The following NEGR1 variants were observed in gnomAD, a reference collection of about 807,000 sequenced individuals.
NEGR1 encodes neuronal growth regulator 1.
A neutral mutation model predicts 40.9 loss-of-function variants in NEGR1; 10 were observed. That is an observed-to-expected ratio of 0.24 (90% CI 0.15 to 0.42). NEGR1 has a LOEUF of 0.42. NEGR1 is among the 10% of genes least tolerant of loss of function. NEGR1 has a pLI of 1.00. For missense variants in NEGR1, 352 were observed against 438.9 expected (o/e 0.80, Z 1.77); for synonymous variants, 185 against 166.8 (o/e 1.11, Z -0.84).
chr1:71,875,422 G>A lies in NEGR1; in HGVS notation c.409+59657C>T, dbSNP rs1474689846. On this transcript the variant is annotated intron_variant, in intron 2 of 6. Transcript: ENST00000357731. ...CTTCTCTCTGTAAAAGCAGATATCT[G>A]GTCATTCTGAGTCTTTGGAATTTAG... 6.6e-5 allele frequency among the ~76,000 whole-genome samples: 10 copies of A among 152,214 alleles called. No homozygotes were observed. The South Asian group carries it at 1.0e-3, about 16-fold the overall frequency.
At chr1:72,137,490 C>G (rs1650512143) in intron 1 of NEGR1, among the ~76,000 whole-genome samples, 1 of 142,854 alleles carries the variant, frequency 7.0e-6, no homozygotes, top group Non-Finnish European at 1.5e-5. Context: ...CAAAGTAACA[C>G]AAGAAGAGAA....
rs527669316 is a variant in NEGR1 at position 71,972,996 on chromosome 1, G to A, written c.177-37685C>T. On this transcript the variant is annotated intron_variant, in intron 1 of 6. Coordinates refer to ENST00000357731, the MANE Select transcript of NEGR1 (RefSeq NM_173808.3). ...CGCAGAGGTAAGTGAACATATAAATGCATATTGAAAAATTCAGAAATACCG... is the reference window on the plus strand; with the variant it reads ...CGCAGAGGTAAGTGAACATATAAATACATATTGAAAAATTCAGAAATACCG... Among the ~76,000 whole-genome samples, 7 of 152,208 alleles carry A rather than the reference G, an allele frequency of 4.6e-5. No individual in the cohort carries two copies. The South Asian group carries it at 1.5e-3, about 32-fold the overall frequency.
At chr1:72,197,924 T>A (rs1350269175) in intron 1 of NEGR1, among the ~76,000 whole-genome samples, 1 of 152,086 alleles carries the variant, frequency 6.6e-6, no homozygotes, top group African/African-American at 2.4e-5. Flanking sequence ...TAATTCAGTA[T>A]TTTCCTTTGC....
chr1:71,992,423 C>T (rs1646462022), intron 1 of NEGR1, among the ~76,000 whole-genome samples: 1 of 151,554 alleles, frequency 6.6e-6, no homozygotes, highest in African/African-American at 2.4e-5. Context: ...ATGGCACTAC[C>T]CAGTTGAAAT....
chr1:72,174,706 G>T (rs1197379648), intron 1 of NEGR1, among the ~76,000 whole-genome samples: 1 of 151,990 alleles, frequency 6.6e-6, no homozygotes, highest in Non-Finnish European at 1.5e-5. Context: ...TTATAAGCTT[G>T]CATCCTAATG....
intron 1 of NEGR1, among the ~76,000 whole-genome samples, chr1:72,154,140 G>A (rs1651268535): frequency 6.6e-6 from 1 of 151,726 alleles, no homozygotes; most frequent in Non-Finnish European, 1.5e-5. Flanking sequence ...GAATTTGGTT[G>A]TGTTTACTTT....
chr1:71,876,414 C>G (rs1007440495), intron 2 of NEGR1, among the ~76,000 whole-genome samples: 1 of 151,834 alleles, frequency 6.6e-6, no homozygotes, highest in Non-Finnish European at 1.5e-5. Context: ...AATCTAGGGG[C>G]TCAGTCAGGA....
At chr1:71,968,357 T>A (rs1454806013) in intron 1 of NEGR1, among the ~76,000 whole-genome samples, 1 of 152,212 alleles carries the variant, frequency 6.6e-6, no homozygotes, top group Admixed American at 6.5e-5. Flanking sequence ...CTTTGGGATA[T>A]CAGATTTGTT....
intron 1 of NEGR1, among the ~76,000 whole-genome samples, chr1:72,156,967 CT>C (rs1347521329): frequency 7.3e-6 from 1 of 136,196 alleles, no homozygotes; most frequent in African/African-American, 2.7e-5. Flanking sequence ...TTGTTGTTGT[CT>C]GTTTGTGTGT....
intron 3 of NEGR1, among the ~76,000 whole-genome samples, chr1:71,711,301 G>A (rs1226992988): frequency 1.8e-4 from 22 of 122,440 alleles, no homozygotes; most frequent in South Asian, 2.7e-4. Flanking sequence ...GTGGAGATGC[G>A]CCACTGCACT....
intron 6 of NEGR1, among the ~76,000 whole-genome samples, chr1:71,427,170 C>A (rs78403032): frequency 6.6e-6 from 1 of 152,124 alleles, no homozygotes; most frequent in Non-Finnish European, 1.5e-5. Flanking sequence ...GATATTTCTC[C>A]GAGCCAAAAT....
intron 1 of NEGR1, among the ~76,000 whole-genome samples, chr1:72,057,760 T>C (rs371885367): frequency 1.2e-4 from 18 of 151,534 alleles, no homozygotes; most frequent in African/African-American, 3.9e-4. Context: ...GGTTGGTGTC[T>C]GGTAAGGCCT....
chr1:71,684,047 G>C (rs2101613587), intron 4 of NEGR1, among the ~76,000 whole-genome samples: 1 of 152,250 alleles, frequency 6.6e-6, no homozygotes. Context: ...CAGGCGGGCA[G>C]ATCACGAGGT....
chr1:71,559,019 G>GTGTGTATATATATATATATA (rs377263417), intron 6 of NEGR1, among the ~76,000 whole-genome samples: 30 of 114,030 alleles, frequency 2.6e-4, no homozygotes, highest in Non-Finnish European at 4.7e-4. Flanking sequence ...CTGTGTGTGT[G>GTGTGTATATATATATATATA]TATATATATA....
intron 3 of NEGR1, among the ~76,000 whole-genome samples, chr1:71,734,388 C>A (rs547372963): frequency 1.3e-5 from 2 of 152,260 alleles, no homozygotes; most frequent in Admixed American, 1.3e-4. Flanking sequence ...AGAATACTTA[C>A]ATTGACAGAA....
intron 6 of NEGR1, among the ~76,000 whole-genome samples, chr1:71,421,930 T>TA (rs1030432312): frequency 2.7e-5 from 4 of 149,454 alleles, no homozygotes; most frequent in African/African-American, 9.8e-5. Flanking sequence ...TTTTTTTTTT[T>TA]AAGACAAAGG....
At chr1:72,103,822 GAA>G (rs1649032725) in intron 1 of NEGR1, among the ~76,000 whole-genome samples, 2 of 152,024 alleles carry the variant, frequency 1.3e-5, no homozygotes, top group South Asian at 4.1e-4. Flanking sequence ...AAAGAAGTAG[GAA>G]AACTCTTAGG....
chr1:71,620,356 C>A (rs1414268898), intron 4 of NEGR1, among the ~76,000 whole-genome samples: 1 of 151,986 alleles, frequency 6.6e-6, no homozygotes, highest in African/African-American at 2.4e-5. Flanking sequence ...TACATTAAGG[C>A]AGCCTTAGTC....
intron 6 of NEGR1, among the ~76,000 whole-genome samples, chr1:71,441,610 G>A (rs1484276853): frequency 1.3e-5 from 2 of 152,060 alleles, no homozygotes; most frequent in Non-Finnish European, 2.9e-5. Context: ...CATCATCAAG[G>A]GTTTTTAAAA....
Sources: gnomAD v4.1 joint callset for allele counts (sites outside exome capture counted in the v4.1 genomes callset) on GRCh38, gnomAD v4.1.1 for gene constraint, MANE v1.5 for transcripts, NCBI Gene and HGNC (gene_info 2026-07-23, HGNC 2026-07-21) for gene names.